Variants in PLD1 observed in about 807,000 individuals in gnomAD.
PLD1 encodes the protein choline phosphatase 1.
PLD1 carries 112 observed loss-of-function variants against 137.1 expected under a neutral mutation model. The ratio of observed to expected loss-of-function variants is 0.82; its 90% confidence interval spans 0.70 to 0.96. The LOEUF (loss-of-function observed/expected upper bound fraction) is 0.96, where lower values mean the gene tolerates loss of function less well. PLD1 is among the 40% of genes least tolerant of loss of function. PLD1 has a pLI of 0.00. For missense variants in PLD1, 1,321 were observed against 1,342.0 expected (o/e 0.98, Z 0.24); for synonymous variants, 431 against 454.7 (o/e 0.95, Z 0.66).
intron 23 of PLD1, among the ~76,000 whole-genome samples, chr3:171,622,011 G>A (rs918877209): frequency 9.9e-5 from 15 of 152,276 alleles, no homozygotes; most frequent in African/African-American, 3.6e-4. Context: ...ATAAATGTAT[G>A]AGTGGATAAA....
At chr3:171,665,099 G>A (rs150364621) in intron 19 of PLD1, among the ~76,000 whole-genome samples, 3 of 152,202 alleles carry the variant, frequency 2.0e-5, no homozygotes, top group Non-Finnish European at 4.4e-5. Context: ...CTGACTCAAT[G>A]AACTCATTCA....
chr3:171,738,254 A>C (rs2108266989), intron 1 of PLD1, among the ~76,000 whole-genome samples, 172 bp from the exon 2 acceptor site: 1 of 152,210 alleles, frequency 6.6e-6, no homozygotes, highest in African/African-American at 2.4e-5. Flanking sequence ...TAACATTTAA[A>C]GGATTCCTAA....
intron 16 of PLD1, among the ~76,000 whole-genome samples, chr3:171,686,278 C>T (rs1369826306): frequency 6.6e-6 from 1 of 152,170 alleles, no homozygotes; most frequent in African/African-American, 2.4e-5. Flanking sequence ...CCCATTCCAG[C>T]ACCTTTGCTC....
chr3:171,676,752 A>G lies in PLD1; in HGVS notation c.2078T>C (p.Val693Ala), dbSNP rs765637820. The G allele has an allele frequency of 6.2e-7, 1 of 1,614,174 alleles. No individual in the cohort carries two copies. The highest frequency in any genetic ancestry group is 2.2e-5 in the East Asian group (1 of 44,884). ...CCAGCGCTGGATGAAGTGACGTGCC[A>G]CATCACGAGCCGCCTTCCCGTGGAC... is the stretch of plus-strand genomic sequence containing the variant. ...SAVHGKAARDVARHFIQRWNF... is the reference protein window; with the variant it reads ...SAVHGKAARDAARHFIQRWNF... The change falls in exon 18 of 27, where the codon GTG becomes GCG. Residue 693 changes from valine to alanine, a missense_variant. Transcript: ENST00000351298.
At chr3:171,776,206 T>C (rs1273549864) in intron 1 of PLD1, among the ~76,000 whole-genome samples, 1 of 152,160 alleles carries the variant, frequency 6.6e-6, no homozygotes, top group East Asian at 1.9e-4. Context: ...GCGCCAGTGC[T>C]GCAGCGGACG....
At chr3:171,722,197 A>G (rs1425528619) in intron 8 of PLD1, among the ~76,000 whole-genome samples, 1 of 152,208 alleles carries the variant, frequency 6.6e-6, no homozygotes, top group Non-Finnish European at 1.5e-5. Flanking sequence ...ATCAGATGAG[A>G]ATATTGTTCC....
chr3:171,755,336 A>G (rs374000060), intron 1 of PLD1, among the ~76,000 whole-genome samples: 1 of 152,140 alleles, frequency 6.6e-6, no homozygotes, highest in African/African-American at 2.4e-5. Flanking sequence ...AGCTCTCTCC[A>G]AAGTTCATAA....
intron 21 of PLD1, among the ~76,000 whole-genome samples, chr3:171,658,072 A>G (rs1737362528): frequency 6.6e-6 from 1 of 152,208 alleles, no homozygotes; most frequent in Non-Finnish European, 1.5e-5. Flanking sequence ...CAGTATCATT[A>G]GTCATTAGAG....
chr3:171,644,308 A>G (rs925849242), intron 22 of PLD1, among the ~76,000 whole-genome samples: 1 of 152,154 alleles, frequency 6.6e-6, no homozygotes, highest in African/African-American at 2.4e-5. Flanking sequence ...CCTTTTCACA[A>G]TGCTCCACTG....
chr3:171,752,325 T>C (rs921251544), intron 1 of PLD1, among the ~76,000 whole-genome samples: 1 of 151,708 alleles, frequency 6.6e-6, no homozygotes, highest in African/African-American at 2.4e-5. Flanking sequence ...GCAAGAGAGG[T>C]GGGAGGAGAA....
At chr3:171,803,812 G>A (rs893670366) in intron 1 of PLD1, among the ~76,000 whole-genome samples, 1 of 152,284 alleles carries the variant, frequency 6.6e-6, no homozygotes, top group East Asian at 1.9e-4. Context: ...GGGAAGACGT[G>A]CAATAGTTAC....
At chr3:171,628,069 G>A (rs1443836637) in intron 23 of PLD1, among the ~76,000 whole-genome samples, 2 of 151,842 alleles carry the variant, frequency 1.3e-5, no homozygotes, top group Non-Finnish European at 1.5e-5. Context: ...AATGAATCCA[G>A]GAGCTGGTTT....
Position 171,676,790 on chromosome 3 carries a change from G to A in PLD1, c.2040C>T (p.Asp680=). ...RYSTPRMPWH[D]IASAVHGKAA... The stretch of plus-strand genomic sequence containing the variant: ...CCTTCCCGTGGACTGCAGAGGCAAT[G>A]TCATGCCAGGGCATCCGGGGCGTGG... Residue 680 remains aspartate (D), a synonymous_variant, in exon 18 of 27, where the codon GAC becomes GAT. Coordinates refer to ENST00000351298, the MANE Select transcript of PLD1 (RefSeq NM_002662.5). The A allele has an allele frequency of 5.0e-6, 8 of 1,614,186 alleles. No homozygotes were observed. Among genetic ancestry groups the A allele is most frequent in the Non-Finnish European group, 6.8e-6 (8 of 1,180,018 alleles).
chr3:171,774,759 G>A (rs1455534272), intron 1 of PLD1, among the ~76,000 whole-genome samples: 4 of 152,192 alleles, frequency 2.6e-5, no homozygotes, highest in African/African-American at 9.7e-5. Context: ...GCCACGTGGT[G>A]GTTACTAATG....
At chr3:171,786,931 C>T (rs1425500735) in intron 1 of PLD1, among the ~76,000 whole-genome samples, 1 of 152,138 alleles carries the variant, frequency 6.6e-6, no homozygotes, top group Non-Finnish European at 1.5e-5. Context: ...CTAACTAACT[C>T]CCTTCATCGG....
chr3:171,676,607 G>A (rs1214051552), intron 18 of PLD1, 108 bp downstream of exon 18: 6 of 844,680 alleles, frequency 7.1e-6, no homozygotes, highest in Non-Finnish European at 1.2e-5. Context: ...CAGTGACACA[G>A]TTGTGGCCAC....
At chr3:171,773,949 C>T (rs919148688) in intron 1 of PLD1, among the ~76,000 whole-genome samples, 1 of 152,202 alleles carries the variant, frequency 6.6e-6, no homozygotes, top group Non-Finnish European at 1.5e-5. Context: ...GGGGTTTCAC[C>T]GTGTTAGCCA....
intron 23 of PLD1, among the ~76,000 whole-genome samples, chr3:171,633,601 G>A (rs112642881): frequency 0.25 from 38,724 of 151,908 alleles, 5,304 homozygotes; most frequent in Admixed American, 0.31. Context: ...AAAACTGCAC[G>A]TTCTGCACAT....
rs889348412 is a variant in PLD1, at chr3:171,601,148, T to C, written c.*1930A>G. 1 of 152,200 alleles carries C rather than the reference T, an allele frequency of 6.6e-6. No individual in the cohort carries two copies. The highest frequency in any genetic ancestry group is 2.4e-5 in the African/African-American group (1 of 41,448). The allele number at this position is 152,200 out of a possible 1,614,324, so 9.4% of individuals were successfully genotyped here. ...AATGTTGCTAGTCCCAGCTCTACCA[T>C]CTACACATTGAGTGGATTTAAGTGA... On this transcript the variant is annotated 3_prime_UTR_variant, in exon 27 of 27. Coordinates refer to ENST00000351298, the MANE Select transcript of PLD1 (RefSeq NM_002662.5).
Sources: allele counts gnomAD v4.1 joint callset (sites outside exome capture counted in the v4.1 genomes callset), GRCh38; gene constraint gnomAD v4.1.1; transcripts MANE v1.5; gene names NCBI Gene and HGNC (gene_info 2026-07-23, HGNC 2026-07-21).